Variants in CSMD1 observed in about 807,000 individuals in gnomAD.
CSMD1 encodes the protein CUB and sushi domain-containing protein 1.
In CSMD1, 213 loss-of-function variants were observed where a neutral mutation model predicts 417.5. The ratio of observed to expected loss-of-function variants is 0.51; its 90% CI spans 0.46 to 0.57. The LOEUF is 0.57. Ranked by LOEUF, CSMD1 falls within the 20% of genes least tolerant of loss-of-function variation. The pLI, the probability that CSMD1 is intolerant of heterozygous loss-of-function variation, is 0.00. For synonymous variants in CSMD1, 2,862 were observed against 1,736.8 expected (o/e 1.65, Z -16.11); for missense variants, 6,923 against 4,529.7 (o/e 1.53, Z -15.17).
intron 26 of CSMD1, among the ~76,000 whole-genome samples, chr8:3,242,794 A>G (rs930450432): frequency 1.3e-5 from 2 of 150,260 alleles, no homozygotes; most frequent in Non-Finnish European, 3.0e-5. Context: ...GACAAGCGGG[A>G]AAGGGGTTGG....
At chr8:4,397,211 CAAG>C (rs918894660) in intron 3 of CSMD1, among the ~76,000 whole-genome samples, 2 of 151,918 alleles carry the variant, frequency 1.3e-5, no homozygotes, top group Admixed American at 6.6e-5. Flanking sequence ...TTAAAAAAAA[CAAG>C]AACAGCTCCC....
chr8:4,970,140 G>C (rs1810147880), intron 1 of CSMD1, among the ~76,000 whole-genome samples: 1 of 152,006 alleles, frequency 6.6e-6, no homozygotes, highest in South Asian at 2.1e-4. Flanking sequence ...ACATTTAGAA[G>C]GCATATCCTA....
chr8:3,704,857 C>T (rs1801078699), intron 7 of CSMD1: 2 of 152,238 alleles, frequency 1.3e-5, no homozygotes, highest in African/African-American at 2.4e-5. Flanking sequence ...TTGCTGATGC[C>T]CTGACAGTGA....
In CSMD1 at chr8:2,998,085, T is replaced by C. The variant is rs773256366; in HGVS notation, c.8303A>G (p.Tyr2768Cys). Residue 2768 changes from tyrosine to cysteine, a missense_variant, in exon 54 of 70, where the codon TAT becomes TGT. Tyr to Cys is a radical substitution (Grantham distance 194). Transcript: ENST00000635120. ...GGCTCGAGACACGCCCTGCAGCAAA[T>C]AGCCCGTGTTGCAGGTGAAATTCAC... ...DVVNFTCNTG[Y>C]LLQGVSRAQC... is the part of the protein sequence containing the mutation. 3.7e-5 allele frequency: 59 copies of C among 1,613,842 alleles called. No individual in the cohort carries two copies. Among genetic ancestry groups the C allele is most frequent in the Admixed American group, 5.0e-5 (3 of 59,998 alleles).
chr8:4,340,063 T>C (rs1418450309), intron 3 of CSMD1, among the ~76,000 whole-genome samples: 1 of 152,078 alleles, frequency 6.6e-6, no homozygotes, highest in Admixed American at 6.6e-5. Context: ...GTTTTAGGAC[T>C]GACTCTGGTA....
At chr8:4,549,580 C>T (rs1427702941) in intron 2 of CSMD1, among the ~76,000 whole-genome samples, 1 of 152,034 alleles carries the variant, frequency 6.6e-6, no homozygotes, top group African/African-American at 2.4e-5. Context: ...GTGATGCTGG[C>T]ACTCTTGGAT....
chr8:3,812,293 T>C (rs971101862), intron 5 of CSMD1, among the ~76,000 whole-genome samples: 2 of 152,198 alleles, frequency 1.3e-5, no homozygotes, highest in Non-Finnish European at 2.9e-5. Flanking sequence ...GGGACTCTAA[T>C]CTCACAGGGT....
intron 5 of CSMD1, among the ~76,000 whole-genome samples, chr8:3,837,662 T>A (rs1208189974): frequency 3.9e-5 from 6 of 152,166 alleles, no homozygotes; most frequent in Non-Finnish European, 8.8e-5. Flanking sequence ...CCATCCTACA[T>A]AGGCACAGGG....
At chr8:3,663,041 G>A (rs76689476) in intron 7 of CSMD1, among the ~76,000 whole-genome samples, 3 of 152,198 alleles carry the variant, frequency 2.0e-5, no homozygotes, top group African/African-American at 7.2e-5. Flanking sequence ...CATTTGTCTG[G>A]CAGTGGGAAT....
At chr8:4,350,351 CAAGAAATG>C (rs1257715481) in intron 3 of CSMD1, among the ~76,000 whole-genome samples, 2 of 152,072 alleles carry the variant, frequency 1.3e-5, no homozygotes, top group Admixed American at 6.6e-5. Flanking sequence ...AACTGTGAAC[CAAGAAATG>C]GAGAAAAATC....
chr8:4,134,602 C>G (rs1803306642), intron 3 of CSMD1, among the ~76,000 whole-genome samples: 1 of 152,186 alleles, frequency 6.6e-6, no homozygotes, highest in Non-Finnish European at 1.5e-5. Context: ...TTCCAACAAA[C>G]ACACCTACAC....
At chr8:4,868,783 T>C (rs1466106775) in intron 1 of CSMD1, among the ~76,000 whole-genome samples, 4 of 20,844 alleles carry the variant, frequency 1.9e-4, no homozygotes, top group East Asian at 0.019. Context: ...TTGTAAAAAT[T>C]GTAAAAAAAA....
chr8:3,420,285 A>G (rs1327394154), intron 12 of CSMD1, among the ~76,000 whole-genome samples: 3 of 152,126 alleles, frequency 2.0e-5, no homozygotes, highest in African/African-American at 4.8e-5. Context: ...AGTCTACACA[A>G]TACCAACCAG....
chr8:3,310,773 C>T (rs765048805), intron 23 of CSMD1, among the ~76,000 whole-genome samples: 10 of 151,052 alleles, frequency 6.6e-5, no homozygotes, highest in Non-Finnish European at 1.0e-4. Flanking sequence ...GGCAGCGGGG[C>T]CAGGAAACTG....
At chr8:4,424,844 C>G (rs141125199) in intron 2 of CSMD1, among the ~76,000 whole-genome samples, 1 of 152,008 alleles carries the variant, frequency 6.6e-6, no homozygotes, top group Non-Finnish European at 1.5e-5. Context: ...AACTGGTATA[C>G]AGTACACAGA....
At position 4,584,273 on chromosome 8, in the gene CSMD1, C is replaced by T. The variant is rs764565359; in HGVS notation, c.302+53069G>A. Among the ~76,000 whole-genome samples, 89 of 152,138 alleles carry T rather than the reference C, an allele frequency of 5.8e-4. 1 individual carries two copies. Among genetic ancestry groups the T allele is most frequent in the Admixed American group, 4.6e-4 (7 of 15,300 alleles). ...CGACCACGAAGGGACTTTCACCTAT[C>T]GCCAAGCAGTGAGACAATCGCCGAG... On this transcript the variant is annotated intron_variant, in intron 2 of 69. Coordinates refer to ENST00000635120, the MANE Select transcript of CSMD1 (RefSeq NM_033225.6).
In CSMD1 at chr8:4,255,513, G is replaced by C. The variant is rs147888799; in HGVS notation, c.415+164440C>G. Among the ~76,000 whole-genome samples, 658 of 152,260 alleles carry C rather than the reference G, an allele frequency of 4.3e-3. 8 individuals carry two copies. The highest frequency in any genetic ancestry group is 0.025 in the South Asian group (121 of 4,826). ...CTCATTTGAAATGTGCAATAGCAGT[G>C]GATTAACCGGTTAAAAGTCGCAATC... On this transcript the variant is annotated intron_variant, in intron 3 of 69. Coordinates refer to ENST00000635120, the MANE Select transcript of CSMD1 (RefSeq NM_033225.6).
intron 1 of CSMD1, among the ~76,000 whole-genome samples, chr8:4,658,760 G>C (rs1275218500): frequency 1.3e-5 from 2 of 152,024 alleles, no homozygotes; most frequent in Non-Finnish European, 2.9e-5. Flanking sequence ...TCTTCTATAT[G>C]ATTTAAAAGA....
At chr8:3,363,559 G>T (rs190860372) in intron 20 of CSMD1, among the ~76,000 whole-genome samples, 13 of 151,148 alleles carry the variant, frequency 8.6e-5, no homozygotes, top group Middle Eastern at 3.4e-3. Context: ...ACCGAGTCTC[G>T]CTGTATTGCC....
Sources: gnomAD v4.1 joint callset for allele counts (sites outside exome capture counted in the v4.1 genomes callset) on GRCh38, gnomAD v4.1.1 for gene constraint, MANE v1.5 for transcripts, NCBI Gene and HGNC (gene_info 2026-07-23, HGNC 2026-07-21) for gene names.